The following ENOX2 variants were observed in gnomAD, a reference collection of about 807,000 sequenced individuals.
ENOX2 encodes the protein ecto-NOX disulfide-thiol exchanger 2, also known as APK1 antigen.
ENOX2 carries 36 observed loss-of-function variants against 45.0 expected under a neutral mutation model. That is an observed-to-expected ratio of 0.80 (90% CI 0.61 to 1.06). The LOEUF (loss-of-function observed/expected upper bound fraction) is 1.06, where lower values mean the gene tolerates loss of function less well. Among genes scored for constraint, ENOX2 ranks in the 50% least tolerant of loss-of-function variants. The pLI, the probability that ENOX2 is intolerant of heterozygous loss-of-function variation, is 0.00. For missense variants in ENOX2, 423 were observed against 462.5 expected, an observed-to-expected ratio of 0.91 and a Z score of 0.78; for synonymous variants, 174 against 152.3, an observed-to-expected ratio of 1.14 and a Z score of -1.05.
At chrX:130,898,189 G>A (rs1315830521) in intron 2 of ENOX2, among the ~76,000 whole-genome samples, 6 of 110,863 alleles carry the variant, frequency 5.4e-5, no homozygotes, top group Non-Finnish European at 9.4e-5. Flanking sequence ...TGTATTTTTA[G>A]TAGAGACGGG....
At chrX:130,826,815 T>C (rs1253716950) in intron 2 of ENOX2, among the ~76,000 whole-genome samples, 3 of 111,868 alleles carry the variant, frequency 2.7e-5, no homozygotes, top group Admixed American at 9.5e-5. Context: ...TAAAAATAAA[T>C]GGTCATTATT....
chrX:130,646,110 C>T, intron 10 of ENOX2: 3 of 531,715 alleles, frequency 5.6e-6, no homozygotes, highest in Non-Finnish European at 1.0e-5. Flanking sequence ...ACTGTGTCTC[C>T]TGCTGCCTGC....
chrX:130,877,382 T>C (rs2078725395), intron 2 of ENOX2, among the ~76,000 whole-genome samples: 2 of 112,235 alleles, frequency 1.8e-5, no homozygotes, highest in African/African-American at 6.5e-5. Context: ...TGATAATAGT[T>C]AATGAATACA....
At chrX:130,630,465 G>T (rs1003245061) in intron 13 of ENOX2, among the ~76,000 whole-genome samples, 3 of 110,912 alleles carry the variant, frequency 2.7e-5, no homozygotes, top group African/African-American at 9.9e-5. Flanking sequence ...GATTTCATCA[G>T]TCATGCCTAT....
intron 3 of ENOX2, among the ~76,000 whole-genome samples, chrX:130,703,862 G>A (rs766472226): frequency 9.0e-6 from 1 of 111,088 alleles, no homozygotes; most frequent in South Asian, 3.9e-4. Flanking sequence ...GCCCTCAAAG[G>A]TTGTACAATA....
intron 8 of ENOX2, among the ~76,000 whole-genome samples, chrX:130,667,004 C>T (rs1346291616): frequency 8.9e-6 from 1 of 111,747 alleles, no homozygotes; most frequent in African/African-American, 3.3e-5. Context: ...GGTAGCTTCT[C>T]ACCTTGTCCC....
rs1250073401 is a variant in ENOX2 at position 130,635,015 on chromosome X, A to C, written c.1388T>G (p.Val463Gly). ...TTTAAGATTTTCCAACATTTTTTCCACCTGTAACTTGTCATCTTTGAGTTT... is the reference window on the plus strand; with the variant it reads ...TTTAAGATTTTCCAACATTTTTTCCCCCTGTAACTTGTCATCTTTGAGTTT... Reference protein sequence around the residue: ...LEKLKDDKLQVEKMLENLKEK... With the variant: ...LEKLKDDKLQGEKMLENLKEK... Residue 463 changes from valine to glycine, a missense_variant, in exon 12 of 15, where the codon GTG (valine) becomes GGG (glycine). Physicochemically the swap from Val to Gly is moderately radical, Grantham distance 109. This residue lies in a region of ENOX2 where 108 missense variants were observed against 70.6 expected (regional missense o/e 1.53). Transcript: ENST00000394363. The C allele has an allele frequency of 8.4e-7, 1 of 1,191,083 alleles. No homozygotes were observed. The highest frequency in any genetic ancestry group is 3.0e-5 in the East Asian group (1 of 33,625).
intron 3 of ENOX2, among the ~76,000 whole-genome samples, chrX:130,707,451 T>C (rs2038066245): frequency 9.0e-6 from 1 of 110,609 alleles, no homozygotes; most frequent in African/African-American, 3.3e-5. Context: ...TTTGTATTGT[T>C]GATGCATCAC....
intron 3 of ENOX2, among the ~76,000 whole-genome samples, chrX:130,769,393 C>T (rs953689078): frequency 2.7e-5 from 3 of 111,761 alleles, no homozygotes; most frequent in Non-Finnish European, 5.6e-5. Context: ...TTTTTGCTTA[C>T]TTGAATGCCC....
intron 3 of ENOX2, among the ~76,000 whole-genome samples, chrX:130,777,172 C>T (rs1402921273): frequency 9.0e-6 from 1 of 111,348 alleles, no homozygotes; most frequent in Non-Finnish European, 1.9e-5. Context: ...AGATAAATCC[C>T]TTCTCTGGGT....
chrX:130,902,374 C>A lies in ENOX2; in HGVS notation c.-230-643G>T, dbSNP rs537055356. 7.0e-4 allele frequency among the ~76,000 whole-genome samples: 78 copies of A among 111,265 alleles called. 2 individuals carry two copies. The highest frequency in any genetic ancestry group is 2.4e-3 in the African/African-American group (74 of 30,550). On this transcript the variant is annotated intron_variant, in intron 1 of 14. Transcript: ENST00000394363. Reference sequence around the variant, plus strand: ...AACCCTGCACTGAACCTTAAACACACATTTCTCAAAAGCAAGATTCCTTCC... The same window carrying A: ...AACCCTGCACTGAACCTTAAACACAAATTTCTCAAAAGCAAGATTCCTTCC...
intron 2 of ENOX2, among the ~76,000 whole-genome samples, chrX:130,861,887 G>A (rs1308465006): frequency 1.8e-5 from 2 of 111,458 alleles, no homozygotes; most frequent in African/African-American, 3.3e-5. Flanking sequence ...GTTTTGTGGT[G>A]TATACTTATC....
chrX:130,679,046 C>T (rs1241876204), intron 6 of ENOX2, among the ~76,000 whole-genome samples: 3 of 111,091 alleles, frequency 2.7e-5, no homozygotes, highest in African/African-American at 9.8e-5. Context: ...GAGGAAGCAC[C>T]AGGTGCTGTG....
chrX:130,833,011 T>TCACACACACA (rs10568834), intron 2 of ENOX2, among the ~76,000 whole-genome samples: 17 of 82,985 alleles, frequency 2.0e-4, no homozygotes, highest in African/African-American at 6.1e-4. Context: ...TCATGTATAA[T>TCACACACACA]CACACACACA....
At chrX:130,866,563 T>C (rs916897846) in intron 2 of ENOX2, among the ~76,000 whole-genome samples, 1 of 111,900 alleles carries the variant, frequency 8.9e-6, no homozygotes, top group African/African-American at 3.2e-5. Context: ...TGTTGGCCAC[T>C]AGAACTCTGC....
intron 9 of ENOX2, among the ~76,000 whole-genome samples, chrX:130,659,028 C>G (rs2036616493): frequency 8.9e-6 from 1 of 112,093 alleles, no homozygotes; most frequent in Non-Finnish European, 1.9e-5. Flanking sequence ...TTTGAAGCAG[C>G]TTGCAATCAT....
rs139710936 is a variant in ENOX2, at chrX:130,737,059, C to T, written c.-38-33805G>A. Among the ~76,000 whole-genome samples, 895 of 112,070 alleles carry T rather than the reference C, an allele frequency of 8.0e-3. 6 individuals are homozygous for T. The highest frequency in any genetic ancestry group is 0.042 in the Middle Eastern group (9 of 213). ...GAATCAGTGCTTCCTGTAGCCCATC[C>T]GTACTAACATACTCCATAAACCAGT... is the stretch of plus-strand genomic sequence containing the variant. On this transcript the variant is annotated intron_variant, in intron 3 of 14. Coordinates refer to ENST00000394363, the MANE Select transcript of ENOX2 (RefSeq NM_006375.4).
intron 2 of ENOX2, among the ~76,000 whole-genome samples, chrX:130,814,187 T>C (rs2077439386): frequency 8.9e-6 from 1 of 112,247 alleles, no homozygotes; most frequent in Non-Finnish European, 1.9e-5. Context: ...CCAGGCTGCC[T>C]CTCTAGCTTC....
intron 3 of ENOX2, among the ~76,000 whole-genome samples, chrX:130,773,948 A>G (rs1053983259): frequency 8.9e-6 from 1 of 112,095 alleles, no homozygotes; most frequent in Non-Finnish European, 1.9e-5. Flanking sequence ...ATCATTATGG[A>G]TTTTTATTTC....
Sources: allele counts gnomAD v4.1 joint callset (sites outside exome capture counted in the v4.1 genomes callset), GRCh38; gene constraint gnomAD v4.1.1; regional missense constraint gnomAD v4.1.1; transcripts MANE v1.5; gene names NCBI Gene and HGNC (gene_info 2026-07-23, HGNC 2026-07-21).